Variants in PHACTR2 observed in about 807,000 individuals in gnomAD.
PHACTR2 encodes chromosome 6 open reading frame 56.
Under a neutral mutation model 76.0 loss-of-function variants are expected in PHACTR2, and 30 were observed. The ratio of observed to expected loss-of-function variants is 0.39; its 90% CI spans 0.30 to 0.54. PHACTR2 has a LOEUF of 0.54. Ranked by LOEUF, PHACTR2 falls within the 20% of genes least tolerant of loss-of-function variation. The pLI, the probability that PHACTR2 is intolerant of heterozygous loss-of-function variation, is 0.61. For synonymous variants in PHACTR2, 292 were observed against 292.5 expected (o/e 1.00, Z 0.02); for missense variants, 696 against 781.1 (o/e 0.89, Z 1.30).
chr6:143,773,991 A>G (rs751741249), intron 7 of PHACTR2, 68 bp from the exon 8 acceptor site: 10 of 1,373,080 alleles, frequency 7.3e-6, no homozygotes, highest in Non-Finnish European at 1.0e-5. Context: ...AGTCCATGCC[A>G]TGTGTAACCT....
Position 143,624,134 on chromosome 6 carries a change from T to C in PHACTR2, c.13+15812T>C, listed in dbSNP as rs1230348968. On this transcript the variant is annotated intron_variant, in intron 1 of 11. Coordinates refer to the PHACTR2 transcript ENST00000305766. This position sits in a 1 kb window ranked among gnomAD's most constrained non-coding sequence, Gnocchi z 4.6. ...TGTTTGTTTGTTTGTTTTTAGACAG[T>C]ATTGCTCTTTTGCCCAGGCTGGAGT... Among the ~76,000 whole-genome samples the C allele has an allele frequency of 1.3e-5, 2 of 152,172 alleles. No homozygotes were observed. The highest frequency in any genetic ancestry group is 2.4e-5 in the African/African-American group (1 of 41,430).
chr6:143,603,331 G>A (rs1230473804), upstream of PHACTR2, among the ~76,000 whole-genome samples: 1 of 151,832 alleles, frequency 6.6e-6, no homozygotes, highest in Non-Finnish European at 1.5e-5. Flanking sequence ...GGATTTTGCA[G>A]TCGGGGAGAG....
At position 143,809,555 on chromosome 6, in the gene PHACTR2, A is replaced by T. The variant is rs1273076478; in HGVS notation, c.1922+2422A>T. 6.6e-6 allele frequency among the ~76,000 whole-genome samples: 1 copy of T among 152,076 alleles called. No homozygotes were observed. The highest frequency in any genetic ancestry group is 1.5e-5 in the Non-Finnish European group (1 of 68,000). On this transcript the variant is annotated intron_variant, in intron 12 of 12. Transcript: ENST00000440869. This position sits in a 1 kb window ranked among gnomAD's most constrained non-coding sequence, Gnocchi z 4.2. ...TGTATGTACAAAAATAATATATTCT[A>T]ATTAAGCATTCAAGCAATACAAAAT...
At chr6:143,636,346 C>G (rs1044040236) in intron 1 of PHACTR2, among the ~76,000 whole-genome samples, 5 of 151,916 alleles carry the variant, frequency 3.3e-5, no homozygotes, top group African/African-American at 9.7e-5. Context: ...GGTTGGGATC[C>G]CCATTTATTT....
Position 143,712,085 on chromosome 6 carries a change from T to C in PHACTR2, c.116T>C (p.Phe39Ser), listed in dbSNP as rs1165996855. ...ACAGCAGGTTCCCAAACACCTCCCT[T>C]CAAAAGAAAGGGGAAACTATCCACC... ...GPTAGSQTPPFKRKGKLSTIG... is the reference protein window; with the variant it reads ...GPTAGSQTPPSKRKGKLSTIG... The change falls in exon 2 of 13, where the codon TTC (phenylalanine) becomes TCC (serine). Residue 39 changes from phenylalanine (F) to serine (S), a missense_variant. Physicochemically the swap from Phe to Ser is radical, Grantham distance 155. This residue lies in a region of PHACTR2 where 460 missense variants were observed against 450.9 expected (regional missense o/e 1.02). Transcript: ENST00000440869. The C allele has an allele frequency of 6.3e-7, 1 of 1,597,148 alleles. No individual in the cohort carries two copies. The highest frequency in any genetic ancestry group is 1.1e-5 in the South Asian group (1 of 87,472).
In PHACTR2 at chr6:143,571,825, TGA is replaced by T. The variant is rs573237436; in HGVS notation, c.217+34620_217+34621del. 2.4e-4 allele frequency among the ~76,000 whole-genome samples: 36 copies of T among 152,330 alleles called. 1 individual carries two copies. The East Asian group carries it at 6.9e-3, about 29-fold the overall frequency. On this transcript the variant is annotated intron_variant, in intron 1 of 11. Transcript: ENST00000367584. The surrounding 1 kb of genome is among the most constrained non-coding windows in gnomAD (Gnocchi z 4.6). Reference sequence around the variant, plus strand: ...GCTTTAGAATCAGTCTTTTCTCCTATGAGCCCTGCTTTCAGTATTATTTTAAT... The same window carrying T: ...GCTTTAGAATCAGTCTTTTCTCCTATGCCCTGCTTTCAGTATTATTTTAAT...
Position 143,611,779 on chromosome 6 carries a change from A to T in PHACTR2, c.13+3457A>T, listed in dbSNP as rs1280882958. 6.6e-6 allele frequency among the ~76,000 whole-genome samples: 1 copy of T among 152,174 alleles called. No individual in the cohort carries two copies. Among genetic ancestry groups the T allele is most frequent in the Admixed American group, 6.5e-5 (1 of 15,274 alleles). On this transcript the variant is annotated intron_variant, in intron 1 of 11. Coordinates refer to the PHACTR2 transcript ENST00000305766. The surrounding 1 kb of genome is among the most constrained non-coding windows in gnomAD (Gnocchi z 4.4). Reference sequence around the variant, plus strand: ...GGATGACAGTGTGGGAAAGTGAGCAATTCTGAGCAAAGAGACTAGTCAAGT... The same window carrying T: ...GGATGACAGTGTGGGAAAGTGAGCATTTCTGAGCAAAGAGACTAGTCAAGT...
intron 1 of PHACTR2, among the ~76,000 whole-genome samples, chr6:143,666,587 G>A (rs1479612270): frequency 6.6e-6 from 1 of 152,220 alleles, no homozygotes; most frequent in Non-Finnish European, 1.5e-5. Flanking sequence ...GCATGAGATA[G>A]TTTCTCATTG....
chr6:143,656,062 A>G lies in PHACTR2; in HGVS notation c.13+47740A>G, dbSNP rs1213177789. On this transcript the variant is annotated intron_variant, in intron 1 of 11. Coordinates refer to the PHACTR2 transcript ENST00000305766. This position sits in a 1 kb window ranked among gnomAD's most constrained non-coding sequence, Gnocchi z 5.3. ...GATTACCGGGGGAAATATTTAAAAG[A>G]AGCATCAGTGGAGGGAAGGGTAAAT... Among the ~76,000 whole-genome samples the G allele has an allele frequency of 6.6e-6, 1 of 152,210 alleles. No homozygotes were observed. Among genetic ancestry groups the G allele is most frequent in the Non-Finnish European group, 1.5e-5 (1 of 68,034 alleles).
chr6:143,817,570 C>T (rs1015007665), intron 12 of PHACTR2, among the ~76,000 whole-genome samples: 1 of 152,056 alleles, frequency 6.6e-6, no homozygotes, highest in Admixed American at 6.5e-5. Context: ...CAAAGTGTGA[C>T]CTGAGAGGGT....
chr6:143,697,482 G>C lies in PHACTR2; in HGVS notation c.47-14534G>C, dbSNP rs1777799696. ...ATTTCACATATAAATTATTCCAGCT[G>C]TTTTTCAATTATTTGTCTTTGATGA... On this transcript the variant is annotated intron_variant, in intron 1 of 12. Transcript: ENST00000440869. This position sits in a 1 kb window ranked among gnomAD's most constrained non-coding sequence, Gnocchi z 4.4. Among the ~76,000 whole-genome samples the C allele has an allele frequency of 6.6e-6, 1 of 152,132 alleles. No homozygotes were observed. Among genetic ancestry groups the C allele is most frequent in the Non-Finnish European group, 1.5e-5 (1 of 68,020 alleles).
chr6:143,677,958 G>T, upstream of PHACTR2: 1 of 1,287,286 alleles, frequency 7.8e-7, no homozygotes, highest in Non-Finnish European at 1.0e-6. Flanking sequence ...ATAGAGGAAT[G>T]ACAGGCATCC....
rs1775389071 is a variant in PHACTR2, at chr6:143,780,046, G to C, written c.1645+2663G>C. Among the ~76,000 whole-genome samples, 1 of 151,670 alleles carries C rather than the reference G, an allele frequency of 6.6e-6. No individual in the cohort carries two copies. The highest frequency in any genetic ancestry group is 2.4e-5 in the African/African-American group (1 of 41,320). On this transcript the variant is annotated intron_variant, in intron 9 of 12. Transcript: ENST00000440869. This position sits in a 1 kb window ranked among gnomAD's most constrained non-coding sequence, Gnocchi z 4.4. ...TCAACTTTTGCTAATCAAGAAAGGT[G>C]ATGTATTTAGCTGAGAATGTAATTC... is the stretch of plus-strand genomic sequence containing the variant.
At chr6:143,572,526 TG>T (rs1362307270) in intron 1 of PHACTR2, among the ~76,000 whole-genome samples, 13 of 152,344 alleles carry the variant, frequency 8.5e-5, no homozygotes, top group African/African-American at 3.1e-4. Context: ...TTTGTTTGTT[TG>T]TTTTTTTGTT....
rs1781193714 is a variant in PHACTR2 at position 143,543,585 on chromosome 6, A to C, written c.217+6378A>C. Among the ~76,000 whole-genome samples the C allele has an allele frequency of 6.6e-6, 1 of 152,194 alleles. No homozygotes were observed. The highest frequency in any genetic ancestry group is 2.4e-5 in the African/African-American group (1 of 41,444). ...GTGAAACCTGGGCTATCTCTATGCA[A>C]AAGGAGGAACTGAAAGATGGAGTTG... On this transcript the variant is annotated intron_variant, in intron 1 of 11. Coordinates refer to the PHACTR2 transcript ENST00000367584. The surrounding 1 kb of genome is among the most constrained non-coding windows in gnomAD (Gnocchi z 4.7).
chr6:143,714,877 G>C lies in PHACTR2; in HGVS notation c.214+2694G>C, dbSNP rs575519206. Among the ~76,000 whole-genome samples the C allele has an allele frequency of 3.3e-5, 5 of 151,940 alleles. 1 individual carries two copies. In the South Asian group the frequency reaches 1.0e-3, roughly 32 times the overall value. ...ATTTTGCTTTGATTTGATTTGATTT[G>C]GTGGGAGGTGAGGATATAAACATCC... is the stretch of plus-strand genomic sequence containing the variant. On this transcript the variant is annotated intron_variant, in intron 2 of 12. Coordinates refer to ENST00000440869, the MANE Select transcript of PHACTR2 (RefSeq NM_001100164.2).
rs930478334 is a variant in PHACTR2 at position 143,598,205 on chromosome 6, G to A, written c.217+60998G>A. The stretch of plus-strand genomic sequence containing the variant: ...TTAAGGATGTTGACTTAATGATCCT[G>A]GGCGAAATGATCCTACATTATTTGG... On this transcript the variant is annotated intron_variant, in intron 1 of 11. Coordinates refer to the PHACTR2 transcript ENST00000367584. The surrounding 1 kb of genome is among the most constrained non-coding windows in gnomAD (Gnocchi z 4.1). Among the ~76,000 whole-genome samples the A allele has an allele frequency of 1.3e-5, 2 of 152,034 alleles. No individual in the cohort carries two copies. The highest frequency in any genetic ancestry group is 2.9e-5 in the Non-Finnish European group (2 of 68,026).
At chr6:143,605,429 T>A (rs544919675), upstream of PHACTR2, among the ~76,000 whole-genome samples, 19 of 152,306 alleles carry the variant, frequency 1.2e-4, no homozygotes, top group South Asian at 3.7e-3. This position sits in a 1 kb window ranked among gnomAD's most constrained non-coding sequence, Gnocchi z 5.0. Context: ...TACAGCATAT[T>A]AATTGTGGGT....
At chr6:143,714,021 G>C (rs1418814392) in intron 2 of PHACTR2, among the ~76,000 whole-genome samples, 1 of 152,284 alleles carries the variant, frequency 6.6e-6, no homozygotes, top group Non-Finnish European at 1.5e-5. Flanking sequence ...TGCAAAAGTA[G>C]TTGCGATTTT....
Sources: allele counts gnomAD v4.1 joint callset (sites outside exome capture counted in the v4.1 genomes callset), GRCh38; gene constraint gnomAD v4.1.1; regional missense constraint gnomAD v4.1.1; non-coding constraint Gnocchi (gnomAD v3.1); transcripts MANE v1.5; gene names NCBI Gene and HGNC (gene_info 2026-07-23, HGNC 2026-07-21).